MARCHF3: variants seen among roughly 807,000 people sequenced by gnomAD.
The protein encoded by MARCHF3 is membrane associated ring-CH-type finger 3.
In MARCHF3, 13 loss-of-function variants were observed where a neutral mutation model predicts 24.2. That is an observed-to-expected ratio of 0.54 (90% confidence interval 0.35 to 0.85). MARCHF3 has a LOEUF of 0.85. MARCHF3 is among the 40% of genes least tolerant of loss of function. MARCHF3 has a pLI of 0.01. For missense variants in MARCHF3, 276 were observed against 325.0 expected (o/e 0.85, Z 1.16); for synonymous variants, 144 against 137.3 (o/e 1.05, Z -0.34).
chr5:126,981,302 G>A (rs1751386587), intron 1 of MARCHF3, among the ~76,000 whole-genome samples: 1 of 152,198 alleles, frequency 6.6e-6, no homozygotes, highest in South Asian at 2.1e-4. Flanking sequence ...TTTTACTCAA[G>A]CAAGGCTGTG....
At chr5:126,977,099 G>A (rs777394403) in intron 1 of MARCHF3, among the ~76,000 whole-genome samples, 23 of 152,232 alleles carry the variant, frequency 1.5e-4, no homozygotes, top group Non-Finnish European at 3.2e-4. Flanking sequence ...ACTGAAGGCA[G>A]AGCTCTGCTC....
At chr5:126,929,372 A>C (rs1042943000) in intron 1 of MARCHF3, among the ~76,000 whole-genome samples, 8 of 152,292 alleles carry the variant, frequency 5.3e-5, no homozygotes, top group Admixed American at 3.9e-4. Flanking sequence ...TGGCGGTCCC[A>C]CTTTTAGTGG....
At chr5:126,953,398 ATTCT>A (rs1750320874) in intron 1 of MARCHF3, among the ~76,000 whole-genome samples, 1 of 152,088 alleles carries the variant, frequency 6.6e-6, no homozygotes, top group African/African-American at 2.4e-5. Flanking sequence ...CTTGAATAAC[ATTCT>A]TTCTCTCTTT....
At chr5:126,998,313 C>T (rs1039179081) in intron 1 of MARCHF3, among the ~76,000 whole-genome samples, 1 of 152,220 alleles carries the variant, frequency 6.6e-6, no homozygotes, top group Non-Finnish European at 1.5e-5. Flanking sequence ...TTATGGTGGA[C>T]CAGAATTCTG....
chr5:127,017,881 C>A (rs1752680405), intron 1 of MARCHF3, among the ~76,000 whole-genome samples: 1 of 152,076 alleles, frequency 6.6e-6, no homozygotes, highest in South Asian at 2.1e-4. Flanking sequence ...CAAATGACAA[C>A]CAGCATCCTA....
chr5:126,957,429 G>A (rs1027568610), intron 1 of MARCHF3, among the ~76,000 whole-genome samples: 1 of 151,884 alleles, frequency 6.6e-6, no homozygotes, highest in African/African-American at 2.4e-5. Context: ...GTACTTCCAA[G>A]TGCAGATAAA....
intron 1 of MARCHF3, among the ~76,000 whole-genome samples, chr5:127,000,193 G>A (rs1436375009): frequency 2.6e-5 from 4 of 151,844 alleles, no homozygotes; most frequent in African/African-American, 7.3e-5. Flanking sequence ...ATGGCTCCCT[G>A]CTAATCAACC....
intron 1 of MARCHF3, among the ~76,000 whole-genome samples, chr5:126,975,744 C>T (rs554680805): frequency 6.6e-6 from 1 of 152,274 alleles, no homozygotes; most frequent in Admixed American, 6.5e-5. Context: ...AGTTGAGGTC[C>T]ATGTGGGTGA....
intron 3 of MARCHF3, among the ~76,000 whole-genome samples, chr5:126,883,994 G>A (rs1753424975): frequency 6.6e-6 from 1 of 152,200 alleles, no homozygotes; most frequent in African/African-American, 2.4e-5. Context: ...TTACTCACTT[G>A]GGCTTATCTG....
intron 1 of MARCHF3, among the ~76,000 whole-genome samples, chr5:126,983,018 A>G (rs1363505470): frequency 6.6e-6 from 1 of 152,126 alleles, no homozygotes; most frequent in Admixed American, 6.5e-5. Context: ...TGTTGTTTTC[A>G]TTTCTTAAAA....
chr5:126,995,689 C>T lies in MARCHF3; in HGVS notation c.-57+34661G>A, dbSNP rs1012627145. On this transcript the variant is annotated intron_variant, in intron 1 of 4. Transcript: ENST00000308660. ...TCATGACCATTATGTACTGTCTCCA[C>T]TTTGAATGTCTGTGACTTGCAACTA... Among the ~76,000 whole-genome samples the T allele has an allele frequency of 3.9e-5, 6 of 152,332 alleles. No homozygotes were observed. The South Asian group carries it at 1.0e-3, about 26-fold the overall frequency.
intron 1 of MARCHF3, among the ~76,000 whole-genome samples, chr5:126,957,937 A>G (rs1390646516): frequency 1.3e-5 from 2 of 151,952 alleles, no homozygotes; most frequent in Non-Finnish European, 2.9e-5. Flanking sequence ...ATTTTCTTTT[A>G]TTTTGCTCAG....
intron 1 of MARCHF3, among the ~76,000 whole-genome samples, chr5:126,988,697 G>A (rs1333167607): frequency 6.6e-6 from 1 of 152,062 alleles, no homozygotes; most frequent in Admixed American, 6.6e-5. Context: ...AAGGGAGAAG[G>A]ATTATGAACA....
chr5:126,987,681 TGG>T (rs916811041), intron 1 of MARCHF3, among the ~76,000 whole-genome samples: 1 of 151,882 alleles, frequency 6.6e-6, no homozygotes, highest in African/African-American at 2.4e-5. Context: ...AGTCAGAGGG[TGG>T]GAGTGAGCTG....
At chr5:127,007,066 C>T (rs1212619233) in intron 1 of MARCHF3, among the ~76,000 whole-genome samples, 2 of 151,636 alleles carry the variant, frequency 1.3e-5, no homozygotes, top group East Asian at 1.9e-4. Flanking sequence ...CCAAAAAGTT[C>T]TTAGTATATT....
intron 1 of MARCHF3, among the ~76,000 whole-genome samples, chr5:126,929,170 G>A (rs990292883): frequency 6.6e-6 from 1 of 152,140 alleles, no homozygotes; most frequent in Admixed American, 6.5e-5. Context: ...GTCCTCTAGA[G>A]CCCTGTCCTA....
At chr5:126,872,160 A>G (rs955909899) in intron 4 of MARCHF3, among the ~76,000 whole-genome samples, 1 of 145,090 alleles carries the variant, frequency 6.9e-6, no homozygotes, top group African/African-American at 2.6e-5. Flanking sequence ...GCTCACCGCA[A>G]CCTCTGTCTC....
intron 1 of MARCHF3, among the ~76,000 whole-genome samples, chr5:126,985,570 A>G (rs979475889): frequency 6.6e-6 from 1 of 151,862 alleles, no homozygotes; most frequent in East Asian, 1.9e-4. Flanking sequence ...CTTGGGTTCA[A>G]GCAATTCCCC....
chr5:126,876,810 C>T lies in MARCHF3; in HGVS notation c.603+1375G>A, dbSNP rs190854401. ...TATTACAGACATGCACCACGATGCC[C>T]AGCTAATTTTTGTATTTTTAGTAGA... On this transcript the variant is annotated intron_variant, in intron 4 of 4. Coordinates refer to ENST00000308660, the MANE Select transcript of MARCHF3 (RefSeq NM_178450.5). 2.7e-3 allele frequency among the ~76,000 whole-genome samples: 417 copies of T among 152,278 alleles called. 4 individuals carry two copies. Among genetic ancestry groups the T allele is most frequent in the African/African-American group, 9.6e-3 (398 of 41,562 alleles).
Sources: allele counts gnomAD v4.1 joint callset (sites outside exome capture counted in the v4.1 genomes callset), GRCh38; gene constraint gnomAD v4.1.1; transcripts MANE v1.5; gene names NCBI Gene and HGNC (gene_info 2026-07-23, HGNC 2026-07-21).